The following CAST variants were observed in gnomAD, a reference collection of about 807,000 sequenced individuals.
The protein encoded by CAST is calpastatin.
In CAST, 76 loss-of-function variants were observed where a neutral mutation model predicts 119.6. That is an observed-to-expected ratio of 0.64 (90% CI 0.53 to 0.77). CAST has a LOEUF of 0.77. Ranked by LOEUF, CAST falls within the 30% of genes least tolerant of loss-of-function variation. The probability of loss-of-function intolerance (pLI) is 0.00; values close to 1 mark genes in which losing one functional copy is unlikely to be tolerated. For synonymous variants in CAST, 319 were observed against 331.6 expected, an observed-to-expected ratio of 0.96 and a Z score of 0.41; for missense variants, 953 against 946.5, an observed-to-expected ratio of 1.01 and a Z score of -0.09.
chr5:96,384,116 G>T, the CAST span, among the ~76,000 whole-genome samples: 1 of 152,130 alleles, frequency 6.6e-6, no homozygotes, highest in African/African-American at 2.4e-5. Flanking sequence ...TATGTACAGA[G>T]AAGAGGAGGT....
chr5:96,552,102 C>T (rs1011484456), intron 1 of CAST, among the ~76,000 whole-genome samples: 2 of 152,192 alleles, frequency 1.3e-5, no homozygotes, highest in African/African-American at 4.8e-5. Flanking sequence ...CACCCCAAAT[C>T]AACAGAATAT....
At chr5:96,531,903 A>G (rs1465038497) in intron 1 of CAST, among the ~76,000 whole-genome samples, 6 of 152,220 alleles carry the variant, frequency 3.9e-5, no homozygotes, top group Non-Finnish European at 7.3e-5. Context: ...GGAAAATTCA[A>G]TGGGAACTGT....
chr5:96,764,703 G>A (rs1334791764), intron 25 of CAST, among the ~76,000 whole-genome samples: 1 of 152,130 alleles, frequency 6.6e-6, no homozygotes, highest in African/African-American at 2.4e-5. Flanking sequence ...CACCCCTCAA[G>A]ATCTTAGAGT....
chr5:96,423,392 C>A, the CAST span: 1 of 1,614,030 alleles, frequency 6.2e-7, no homozygotes, highest in Non-Finnish European at 8.5e-7. Flanking sequence ...GCCCGTAATG[C>A]CTTTTTGCCA....
the CAST span, among the ~76,000 whole-genome samples, chr5:96,444,038 G>A: frequency 9.9e-5 from 15 of 152,082 alleles, no homozygotes; most frequent in African/African-American, 3.6e-4. Context: ...AGAAATGAAG[G>A]AAAAAGCAAA....
intron 3 of CAST, among the ~76,000 whole-genome samples, chr5:96,701,182 C>T (rs1347012051): frequency 6.6e-6 from 1 of 152,150 alleles, no homozygotes; most frequent in Non-Finnish European, 1.5e-5. Context: ...CTTGCCTCGG[C>T]CTCCCAAAGT....
the CAST span, among the ~76,000 whole-genome samples, chr5:96,455,879 C>A: frequency 6.6e-6 from 1 of 152,016 alleles, no homozygotes; most frequent in Non-Finnish European, 1.5e-5. Flanking sequence ...TCTTGTATAC[C>A]TTAAGGTCTC....
the CAST span, chr5:96,412,861 C>T: frequency 1.1e-5 from 8 of 725,256 alleles, no homozygotes; most frequent in South Asian, 8.3e-5. Context: ...AGGAAGTGGC[C>T]GTGATTGTTG....
chr5:96,543,806 TG>T (rs1446591036), intron 1 of CAST, among the ~76,000 whole-genome samples: 2 of 152,356 alleles, frequency 1.3e-5, no homozygotes, highest in Non-Finnish European at 2.9e-5. Context: ...TACCACTTGT[TG>T]AAAAGATTAT....
chr5:96,515,920 T>G, the CAST span, among the ~76,000 whole-genome samples: 76,725 of 150,326 alleles, frequency 0.51, 21,208 homozygotes, highest in Middle Eastern at 0.61. Context: ...GTGGAACCAC[T>G]GATAAACTCT....
At chr5:96,344,369 T>C in the CAST span, among the ~76,000 whole-genome samples, 1 of 152,190 alleles carries the variant, frequency 6.6e-6, no homozygotes, top group Non-Finnish European at 1.5e-5. Context: ...TGGTTTTTTT[T>C]CTCATGTACT....
At chr5:96,562,353 C>G (rs1347242271) in intron 1 of CAST, among the ~76,000 whole-genome samples, 1 of 152,044 alleles carries the variant, frequency 6.6e-6, no homozygotes, top group Non-Finnish European at 1.5e-5. Flanking sequence ...TAGAACAATA[C>G]AAATGCCTCT....
intron 1 of CAST, among the ~76,000 whole-genome samples, chr5:96,578,606 T>C (rs1580832540): frequency 6.6e-6 from 1 of 152,228 alleles, no homozygotes; most frequent in African/African-American, 2.4e-5. Flanking sequence ...ACTTTTTCAT[T>C]TGTTTGAAGT....
At chr5:96,483,764 T>G in the CAST span, among the ~76,000 whole-genome samples, 1 of 152,194 alleles carries the variant, frequency 6.6e-6, no homozygotes, top group African/African-American at 2.4e-5. Context: ...TAGCTCTATC[T>G]TGATTTATAG....
chr5:96,162,599 G>A, the CAST span, among the ~76,000 whole-genome samples: 16 of 152,174 alleles, frequency 1.1e-4, no homozygotes, highest in Middle Eastern at 3.4e-3. Flanking sequence ...TGTATTTTTA[G>A]TAGAGACGCT....
At chr5:96,613,469 C>T (rs1747399241) in intron 1 of CAST, among the ~76,000 whole-genome samples, 1 of 152,104 alleles carries the variant, frequency 6.6e-6, no homozygotes, top group Non-Finnish European at 1.5e-5. Context: ...TTTAAGTCTT[C>T]ACAACCCTAT....
intron 1 of CAST, among the ~76,000 whole-genome samples, chr5:96,540,327 A>T (rs959266729): frequency 7.3e-5 from 11 of 151,714 alleles, no homozygotes; most frequent in Admixed American, 2.0e-4. Flanking sequence ...TCTTTAAAAC[A>T]TTTTTTTTCC....
At chr5:96,573,546 G>A (rs1561420345) in intron 1 of CAST, among the ~76,000 whole-genome samples, 2 of 152,176 alleles carry the variant, frequency 1.3e-5, no homozygotes, top group African/African-American at 4.8e-5. Context: ...GGCTAAAGTA[G>A]AAGAATGGCT....
In CAST at chr5:96,599,074, A is replaced by G. The variant is rs139953919; in HGVS notation, c.60+69194A>G. On this transcript the variant is annotated intron_variant, in intron 1 of 11. Transcript: ENST00000505143. ...TAATCACATGAACCAATTCCGTAGC[A>G]TGGATACATACTCATTCTGTTTCTC... Among the ~76,000 whole-genome samples, 814 of 152,356 alleles carry G rather than the reference A, an allele frequency of 5.3e-3. 5 individuals carry two copies. Among genetic ancestry groups the G allele is most frequent in the African/African-American group, 0.019 (778 of 41,578 alleles).
Sources: allele counts gnomAD v4.1 joint callset (sites outside exome capture counted in the v4.1 genomes callset), GRCh38; gene constraint gnomAD v4.1.1; transcripts MANE v1.5; gene names NCBI Gene and HGNC (gene_info 2026-07-23, HGNC 2026-07-21).